The following TCF12 variants were observed in gnomAD, a reference collection of about 807,000 sequenced individuals.
TCF12 encodes transcription factor 12, also known as DNA-binding protein HTF4.
In TCF12, 45 loss-of-function variants were observed where a neutral mutation model predicts 86.0. The ratio of observed to expected loss-of-function variants is 0.52; its 90% CI spans 0.41 to 0.67. The LOEUF (loss-of-function observed/expected upper bound fraction) is 0.67. TCF12 is among the 30% of genes least tolerant of loss of function. The probability of loss-of-function intolerance (pLI) is 0.00; values close to 1 mark genes in which losing one functional copy is unlikely to be tolerated. For missense variants in TCF12, 881 were observed against 859.9 expected (o/e 1.02, Z -0.31); for synonymous variants, 330 against 299.6 (o/e 1.10, Z -1.05).
intron 8 of TCF12, among the ~76,000 whole-genome samples, chr15:57,226,079 T>C (rs879374769): frequency 1.4e-5 from 2 of 147,292 alleles, no homozygotes; most frequent in African/African-American, 5.0e-5. Context: ...AATTACCTAG[T>C]TTTTTGAATG....
At chr15:57,240,865 G>A (rs1322331784) in intron 12 of TCF12, among the ~76,000 whole-genome samples, 2 of 101,902 alleles carry the variant, frequency 2.0e-5, no homozygotes, top group Non-Finnish European at 3.5e-5. Context: ...GGGTGACAGA[G>A]CAAGACCCTG....
At chr15:57,147,520 A>C (rs1320349982) in intron 5 of TCF12, among the ~76,000 whole-genome samples, 1 of 151,218 alleles carries the variant, frequency 6.6e-6, no homozygotes, top group Non-Finnish European at 1.5e-5. Flanking sequence ...TACCCAAAAT[A>C]AACTCTTACC....
intron 5 of TCF12, among the ~76,000 whole-genome samples, chr15:57,145,294 C>A (rs763045124): frequency 1.3e-5 from 2 of 152,148 alleles, no homozygotes; most frequent in Non-Finnish European, 2.9e-5. Flanking sequence ...GATTTGGAAT[C>A]AGAACCTGAA....
intron 6 of TCF12, among the ~76,000 whole-genome samples, chr15:57,186,152 C>T (rs2151674701): frequency 6.6e-6 from 1 of 152,218 alleles, no homozygotes; most frequent in East Asian, 1.9e-4. Flanking sequence ...AAAATCTGAA[C>T]AGAGCTAAAA....
chr15:56,967,916 A>G (rs528254839), intron 3 of TCF12, among the ~76,000 whole-genome samples: 3 of 152,266 alleles, frequency 2.0e-5, no homozygotes, highest in Admixed American at 6.5e-5. Context: ...TAGATAAAAA[A>G]TATCATTTTA....
chr15:57,029,874 T>G (rs1239859454), intron 3 of TCF12, among the ~76,000 whole-genome samples: 2 of 152,242 alleles, frequency 1.3e-5, no homozygotes, highest in Non-Finnish European at 2.9e-5. Context: ...TAAGCATAAT[T>G]ACATGTGAGA....
At chr15:57,277,661 G>A (rs2061465838) in intron 19 of TCF12, among the ~76,000 whole-genome samples, 1 of 151,918 alleles carries the variant, frequency 6.6e-6, no homozygotes. Context: ...AGTTGGCTGG[G>A]CACAGTGGCT....
At chr15:57,118,063 T>C (rs904969780) in intron 5 of TCF12, among the ~76,000 whole-genome samples, 37 of 152,136 alleles carry the variant, frequency 2.4e-4, no homozygotes, top group Non-Finnish European at 5.0e-4. Flanking sequence ...TCAATTTAAT[T>C]GGCTCTGCAG....
chr15:57,075,782 CTTTCTTTCTTTCTT>C (rs1392999535), intron 4 of TCF12, among the ~76,000 whole-genome samples: 40 of 52,874 alleles, frequency 7.6e-4, no homozygotes, highest in African/African-American at 3.0e-3. Context: ...TTCTTTCTTT[CTTTCTTTCTTTCTT>C]TCTTTCTTTC....
intron 4 of TCF12, among the ~76,000 whole-genome samples, chr15:57,077,361 GTGTGTGTGTGTGTA>G (rs2070187245): frequency 3.5e-5 from 1 of 28,820 alleles, no homozygotes; most frequent in African/African-American, 1.0e-4. Context: ...GTGTGTGTGT[GTGTGTGTGTGTGTA>G]TATATATTTT....
At chr15:57,007,848 CCCTCCCTTCCTT>C (rs2064531470) in intron 3 of TCF12, among the ~76,000 whole-genome samples, 1 of 74,548 alleles carries the variant, frequency 1.3e-5, no homozygotes, top group Non-Finnish European at 2.7e-5. Flanking sequence ...TTCTCTCTTT[CCCTCCCTTCCTT>C]CCTTCCTTCC....
chr15:57,102,716 C>G (rs557569272), intron 5 of TCF12, among the ~76,000 whole-genome samples: 1 of 151,946 alleles, frequency 6.6e-6, no homozygotes, highest in East Asian at 1.9e-4. Context: ...TGAATTATTT[C>G]TAAAGTTTCT....
At chr15:57,049,017 C>T (rs1488132897) in intron 3 of TCF12, among the ~76,000 whole-genome samples, 2 of 152,066 alleles carry the variant, frequency 1.3e-5, no homozygotes, top group African/African-American at 4.8e-5. Context: ...CAAGAGTTAC[C>T]CTCTGCTAAA....
intron 3 of TCF12, among the ~76,000 whole-genome samples, chr15:57,055,691 G>A (rs748521279): frequency 1.3e-4 from 20 of 152,024 alleles, no homozygotes; most frequent in African/African-American, 4.8e-4. Flanking sequence ...TTTCAATGTA[G>A]TATGTCACTT....
At position 56,950,745 on chromosome 15, in the gene TCF12, GTTTTTTTTTT is replaced by G. The variant is rs71113040; in HGVS notation, c.148+29666_148+29675del. Reference sequence around the variant, plus strand: ...TTACAAATAAAGCTATTATGACCATGTTTTTTTTTTTTTTTTTTTTTTTTTTTTAAGTTAG... The same window carrying G: ...TTACAAATAAAGCTATTATGACCATGTTTTTTTTTTTTTTTTTTAAGTTAG... On this transcript the variant is annotated intron_variant, in intron 3 of 20. Coordinates refer to ENST00000333725, the MANE Select transcript of TCF12 (RefSeq NM_207037.2). Among the ~76,000 whole-genome samples, 11 of 85,900 alleles carry G rather than the reference GTTTTTTTTTT, an allele frequency of 1.3e-4. No individual in the cohort carries two copies. In the South Asian group the frequency reaches 1.8e-3, roughly 14 times the overall value. 56.4% of individuals were successfully genotyped at this position (85,900 alleles called of 152,430 possible).
At chr15:56,920,410 A>C (rs941583021) in intron 2 of TCF12, among the ~76,000 whole-genome samples, 4 of 151,960 alleles carry the variant, frequency 2.6e-5, no homozygotes, top group Admixed American at 2.6e-4. Flanking sequence ...GAAAGATGTC[A>C]GCGACAAGAA....
At chr15:57,096,064 C>T (rs1052973364) in intron 5 of TCF12, among the ~76,000 whole-genome samples, 2 of 152,084 alleles carry the variant, frequency 1.3e-5, no homozygotes, top group Admixed American at 1.3e-4. Context: ...GTTTAAGATA[C>T]CTGTTGTTTC....
intron 8 of TCF12, among the ~76,000 whole-genome samples, chr15:57,207,770 AT>A (rs1202951018): frequency 1.3e-5 from 2 of 152,214 alleles, no homozygotes; most frequent in African/African-American, 4.8e-5. Flanking sequence ...CAAACTCATC[AT>A]TATTTGAAAT....
chr15:57,101,783 C>G (rs753888859), intron 5 of TCF12, among the ~76,000 whole-genome samples: 5 of 152,178 alleles, frequency 3.3e-5, no homozygotes, highest in East Asian at 1.9e-4. Context: ...GATTATCACA[C>G]TTTCAAAGTT....
Sources: allele counts gnomAD v4.1 joint callset (sites outside exome capture counted in the v4.1 genomes callset), GRCh38; gene constraint gnomAD v4.1.1; transcripts MANE v1.5; gene names NCBI Gene and HGNC (gene_info 2026-07-23, HGNC 2026-07-21).